PPL: variants seen among roughly 807,000 people sequenced by gnomAD.
The protein encoded by PPL is 190 kDa paraneoplastic pemphigus antigen.
A neutral mutation model predicts 194.4 loss-of-function variants in PPL; 198 were observed. That is an observed-to-expected ratio of 1.02 (90% CI 0.91 to 1.15). The LOEUF is 1.15. Ranked by LOEUF, PPL falls within the 50% of genes most tolerant of loss-of-function variation. PPL has a pLI of 0.00. For missense variants in PPL, 2,885 were observed against 2,294.8 expected, an observed-to-expected ratio of 1.26 and a Z score of -5.25; for synonymous variants, 1,220 against 972.4, an observed-to-expected ratio of 1.25 and a Z score of -4.74.
intron 1 of PPL, among the ~76,000 whole-genome samples, chr16:4,919,577 A>G (rs992622651): frequency 6.6e-6 from 1 of 152,012 alleles, no homozygotes; most frequent in African/African-American, 2.4e-5. Context: ...GCCACTCTGT[A>G]TTTCTGAGTC....
chr16:4,905,806 C>T (rs1329761232), intron 2 of PPL, among the ~76,000 whole-genome samples: 1 of 152,070 alleles, frequency 6.6e-6, no homozygotes, highest in Non-Finnish European at 1.5e-5. Flanking sequence ...AGGCTGATGT[C>T]CCGAAAAGCC....
In PPL at chr16:4,900,960, C is replaced by T. The variant is rs771576994; in HGVS notation, c.564+4G>A. 5.0e-6 allele frequency: 8 copies of T among 1,613,992 alleles called. No homozygotes were observed. The highest frequency in any genetic ancestry group is 1.1e-5 in the South Asian group (1 of 91,074). On this transcript the variant is annotated splice_donor_region_variant and intron_variant, in intron 5 of 21. Coordinates refer to ENST00000345988, the MANE Select transcript of PPL (RefSeq NM_002705.5). ...GGTCCCCACCACACCAGCACACGCC[C>T]CACCTTGTCCCCGTCCTTGGCCAGG...
intron 1 of PPL, among the ~76,000 whole-genome samples, chr16:4,912,138 C>A (rs191981119): frequency 2.6e-5 from 4 of 152,284 alleles, no homozygotes; most frequent in East Asian, 3.9e-4. Flanking sequence ...AATCGTGCAA[C>A]CATCACCACT....
rs751839900 is a variant in PPL, at chr16:4,893,203, C to T, written c.1650+10G>A. 8 of 1,544,292 alleles carry T rather than the reference C, an allele frequency of 5.2e-6. No individual in the cohort carries two copies. Among genetic ancestry groups the T allele is most frequent in the Middle Eastern group, 2.3e-4 (1 of 4,398 alleles). ...CCCCGGCCCCACCTGTGCTCCTGAC[C>T]CGCAGGTACCTTGAGGTCCTTGGCC... is the stretch of plus-strand genomic sequence containing the variant. On this transcript the variant is annotated intron_variant, in intron 14 of 21. Coordinates refer to ENST00000345988, the MANE Select transcript of PPL (RefSeq NM_002705.5).
In PPL at chr16:4,893,204, C is replaced by T. The variant is rs371677669; in HGVS notation, c.1650+9G>A. The T allele has an allele frequency of 7.1e-5, 110 of 1,546,490 alleles. No homozygotes were observed. The East Asian group carries it at 1.7e-3, about 25-fold the overall frequency. ...CCCGGCCCCACCTGTGCTCCTGACCCGCAGGTACCTTGAGGTCCTTGGCCC... is the reference window on the plus strand; with the variant it reads ...CCCGGCCCCACCTGTGCTCCTGACCTGCAGGTACCTTGAGGTCCTTGGCCC... On this transcript the variant is annotated intron_variant, in intron 14 of 21. Coordinates refer to ENST00000345988, the MANE Select transcript of PPL (RefSeq NM_002705.5).
Position 4,888,206 on chromosome 16 carries a change from C to G in PPL, c.2410G>C (p.Glu804Gln). ...YQQAVKDYEL[E>Q]AEKLRSLLDL... The stretch of plus-strand genomic sequence containing the variant: ...AGAAGAGACCTTAGTTTTTCTGCTT[C>G]TAACTCATAGTCCTGCATGAGGGAG... Residue 804 changes from glutamate (E) to glutamine (Q), a missense_variant, in exon 20 of 22, where the codon GAA becomes CAA. Physicochemically the swap from Glu to Gln is conservative, Grantham distance 29. Transcript: ENST00000345988. 6.2e-7 allele frequency: 1 copy of G among 1,608,298 alleles called. No individual in the cohort carries two copies. Among genetic ancestry groups the G allele is most frequent in the South Asian group, 1.1e-5 (1 of 90,970 alleles).
chr16:4,935,577 G>A (rs867885038), intron 1 of PPL, among the ~76,000 whole-genome samples: 10 of 152,192 alleles, frequency 6.6e-5, no homozygotes, highest in African/African-American at 2.4e-4. Context: ...GAAAGATAGG[G>A]GAGGGGTGGG....
intron 1 of PPL, among the ~76,000 whole-genome samples, chr16:4,928,510 C>T (rs773394909): frequency 3.3e-5 from 5 of 152,356 alleles, no homozygotes; most frequent in African/African-American, 9.6e-5. Flanking sequence ...CCTGCAAGGC[C>T]GCAGGGCTGT....
rs202097093 is a variant in PPL, at chr16:4,893,543, C to A, written c.1490G>T (p.Gly497Val). 3.3e-5 allele frequency: 53 copies of A among 1,612,440 alleles called. No individual in the cohort carries two copies. In the African/African-American group the frequency reaches 6.9e-4, roughly 21 times the overall value. ...AGGCGAGTGGCCCTGGCACCCACCT[C>A]CGGGATTCTCGGTCTTCAGCACCTC... The part of the protein sequence containing the change: ...RYEVLKTENP[G>V]DASDLQGRQL... Residue 497 changes from glycine to valine, a missense_variant and splice_region_variant, in exon 13 of 22, where the codon GGA becomes GTA. Coordinates refer to ENST00000345988, the MANE Select transcript of PPL (RefSeq NM_002705.5).
intron 2 of PPL, among the ~76,000 whole-genome samples, chr16:4,907,700 T>C (rs1272620471): frequency 6.6e-6 from 1 of 152,270 alleles, no homozygotes; most frequent in East Asian, 1.9e-4. Flanking sequence ...GTTAATTTTA[T>C]GTTATGTGAA....
intron 1 of PPL, among the ~76,000 whole-genome samples, chr16:4,920,660 G>A (rs551410956): frequency 2.6e-5 from 4 of 152,154 alleles, no homozygotes; most frequent in South Asian, 2.1e-4. Flanking sequence ...ACAGGGTTTC[G>A]CCATGTTAGC....
intron 14 of PPL, 115 bp downstream of exon 14, chr16:4,893,098 C>T: frequency 2.0e-5 from 26 of 1,302,840 alleles, no homozygotes; most frequent in South Asian, 1.9e-4. Flanking sequence ...CTGTCCCTGA[C>T]AGACAGCTGC....
chr16:4,889,096 GAAAA>G (rs771207697), intron 18 of PPL, 35 bp from the exon 19 acceptor site: 2 of 1,585,816 alleles, frequency 1.3e-6, no homozygotes, highest in South Asian at 2.2e-5. Context: ...AAACTAACCA[GAAAA>G]AAAATTTAAA....
chr16:4,887,694 C>T (rs1449213551), intron 20 of PPL, among the ~76,000 whole-genome samples: 1 of 152,152 alleles, frequency 6.6e-6, no homozygotes, highest in Non-Finnish European at 1.5e-5. Context: ...CCTTGAACTC[C>T]TGGGCCCAAG....
In PPL at chr16:4,890,201, T is replaced by C; in HGVS notation, c.2296A>G (p.Lys766Glu). 1.2e-6 allele frequency: 2 copies of C among 1,614,186 alleles called. No individual in the cohort carries two copies. The highest frequency in any genetic ancestry group is 1.7e-6 in the Non-Finnish European group (2 of 1,180,020). The change falls in exon 18 of 22, where the codon AAG becomes GAG. Residue 766 changes from lysine (K) to glutamate (E), a missense_variant. Lys to Glu is a moderately conservative substitution (Grantham distance 56). Transcript: ENST00000345988. ...CATCTCACCTTCTGGTTCTTCAGCT[T>C]GGTCTCCATCTGGCTGAGGCTGTCT... The part of the protein sequence containing the change: ...ETDSLSQMET[K>E]LKNQKNLLDE...
intron 2 of PPL, among the ~76,000 whole-genome samples, chr16:4,910,278 T>G (rs1335574686): frequency 1.3e-5 from 2 of 152,156 alleles, no homozygotes; most frequent in Admixed American, 6.5e-5. Context: ...CTGGCAGCAG[T>G]AGGATGAGCA....
intron 16 of PPL, 46 bp from the exon 17 acceptor site, chr16:4,890,967 C>A: frequency 1.4e-6 from 2 of 1,456,956 alleles, no homozygotes; most frequent in South Asian, 1.4e-5. Flanking sequence ...CCAGAGCTCC[C>A]AGAGCCAGGC....
At chr16:4,927,151 G>A (rs142626744) in intron 1 of PPL, among the ~76,000 whole-genome samples, 2 of 152,178 alleles carry the variant, frequency 1.3e-5, no homozygotes, top group African/African-American at 4.8e-5. Flanking sequence ...AGACTCTCCG[G>A]TGAGATTACA....
Position 4,882,509 on chromosome 16 carries a change from C to A in PPL, c.*875G>T, listed in dbSNP as rs1023238611. 6.6e-6 allele frequency: 1 copy of A among 151,636 alleles called. No individual in the cohort carries two copies. The allele number at this position is 151,636 out of a possible 1,614,324, so 9.4% of individuals were successfully genotyped here. A position where few individuals can be genotyped will look rare whatever the true frequency, so the allele number is the denominator to read the frequency against. On this transcript the variant is annotated 3_prime_UTR_variant, in exon 22 of 22. Transcript: ENST00000345988. ...GCATGCAAAAGAAGAAACATGTGGA[C>A]CGTACAAGCAGACTCCAGCCACCAG...
Sources: allele counts gnomAD v4.1 joint callset (sites outside exome capture counted in the v4.1 genomes callset), GRCh38; gene constraint gnomAD v4.1.1; transcripts MANE v1.5; gene names NCBI Gene and HGNC (gene_info 2026-07-23, HGNC 2026-07-21).